The following DLGAP2 variants were observed in gnomAD, a reference collection of about 807,000 sequenced individuals.
The protein encoded by DLGAP2 is disks large-associated protein 2.
DLGAP2 carries 26 observed loss-of-function variants against 100.3 expected under a neutral mutation model. That is an observed-to-expected ratio of 0.26 (90% CI 0.19 to 0.36). DLGAP2 has a LOEUF of 0.36. Ranked by LOEUF, DLGAP2 falls within the 10% of genes least tolerant of loss-of-function variation. DLGAP2 has a pLI of 1.00. For missense variants in DLGAP2, 1,858 were observed against 1,453.2 expected (o/e 1.28, Z -4.53); for synonymous variants, 886 against 630.1 (o/e 1.41, Z -6.08).
chr8:1,316,897 C>A (rs1195895534), intron 3 of DLGAP2, among the ~76,000 whole-genome samples: 1 of 119,950 alleles, frequency 8.3e-6, no homozygotes, highest in African/African-American at 3.5e-5. Flanking sequence ...AAAAATAGAG[C>A]GTGTGCGAGT....
At chr8:1,032,209 T>C (rs527905882) in intron 2 of DLGAP2, among the ~76,000 whole-genome samples, 1 of 152,204 alleles carries the variant, frequency 6.6e-6, no homozygotes, top group South Asian at 2.1e-4. Context: ...CCAGAGCTCA[T>C]AGTAGGAGGG....
At chr8:888,992 A>C (rs1797980684) in intron 1 of DLGAP2, among the ~76,000 whole-genome samples, 1 of 152,050 alleles carries the variant, frequency 6.6e-6, no homozygotes, top group African/African-American at 2.4e-5. Context: ...GAAGGGAGAT[A>C]GGGGTGGGGC....
At chr8:1,252,145 T>G (rs772021279) in intron 2 of DLGAP2, among the ~76,000 whole-genome samples, 11 of 151,040 alleles carry the variant, frequency 7.3e-5, no homozygotes, top group Non-Finnish European at 1.3e-4. Context: ...CACTGTGGTG[T>G]TGTCACACGG....
At chr8:787,980 G>T (rs28404643) in intron 1 of DLGAP2, among the ~76,000 whole-genome samples, 3 of 152,040 alleles carry the variant, frequency 2.0e-5, no homozygotes, top group African/African-American at 4.8e-5. Context: ...AAGCCAGGAT[G>T]CTCTGTGGCT....
At chr8:1,417,055 C>A (rs1366759939) in intron 3 of DLGAP2, among the ~76,000 whole-genome samples, 1 of 70,422 alleles carries the variant, frequency 1.4e-5, no homozygotes, top group Non-Finnish European at 2.7e-5. Flanking sequence ...CACACTGTCC[C>A]CGGCGGGTTC....
intron 2 of DLGAP2, among the ~76,000 whole-genome samples, chr8:1,130,731 C>T (rs773096054): frequency 1.3e-5 from 2 of 152,224 alleles, no homozygotes; most frequent in African/African-American, 4.8e-5. Context: ...AGACAGACCG[C>T]ACCAGAGGCC....
At chr8:828,383 C>A (rs114083356) in intron 1 of DLGAP2, among the ~76,000 whole-genome samples, 1,634 of 152,308 alleles carry the variant, frequency 0.011, 28 homozygotes, top group African/African-American at 0.037. Flanking sequence ...AGGGACCTTC[C>A]ATGCTGAGAA....
Position 759,439 on chromosome 8 carries a change from C to T in DLGAP2, c.18+21614C>T, listed in dbSNP as rs79697863. On this transcript the variant is annotated intron_variant, in intron 1 of 14. Transcript: ENST00000637795. ...CGTTTCCAGGGTTGGGACACGTTCCCGGGGTTGGGACGGGTATGCACAGGT... is the reference window on the plus strand; with the variant it reads ...CGTTTCCAGGGTTGGGACACGTTCCTGGGGTTGGGACGGGTATGCACAGGT... Among the ~76,000 whole-genome samples the T allele has an allele frequency of 4.9e-3, 740 of 151,966 alleles. 11 individuals carry two copies. The highest frequency in any genetic ancestry group is 0.016 in the African/African-American group (673 of 41,432).
chr8:827,344 T>C (rs530834064), intron 1 of DLGAP2, among the ~76,000 whole-genome samples: 17 of 152,350 alleles, frequency 1.1e-4, no homozygotes, highest in African/African-American at 3.6e-4. Flanking sequence ...CTTAGGGCAT[T>C]GAATGGTAGC....
chr8:1,327,699 C>T (rs950403756), intron 3 of DLGAP2, among the ~76,000 whole-genome samples: 2 of 151,998 alleles, frequency 1.3e-5, no homozygotes, highest in Non-Finnish European at 2.9e-5. Context: ...AAAAAACTAT[C>T]CGGGCGTCGT....
chr8:990,320 AC>A (rs111492430), intron 2 of DLGAP2, among the ~76,000 whole-genome samples: 1 of 140,096 alleles, frequency 7.1e-6, no homozygotes, highest in African/African-American at 2.9e-5. Context: ...GACCCCCTGC[AC>A]CCCCATACTC....
chr8:1,084,091 C>T (rs1054910832), intron 2 of DLGAP2, among the ~76,000 whole-genome samples: 5 of 152,050 alleles, frequency 3.3e-5, no homozygotes, highest in African/African-American at 9.7e-5. Context: ...TTTGTATGTA[C>T]TCTTAACTCA....
At chr8:1,525,404 G>A (rs1188688079) in intron 4 of DLGAP2, among the ~76,000 whole-genome samples, 1 of 152,090 alleles carries the variant, frequency 6.6e-6, no homozygotes, top group African/African-American at 2.4e-5. Flanking sequence ...GGAATTACAG[G>A]AGCATTTTCC....
chr8:791,461 A>G (rs111327139), intron 1 of DLGAP2, among the ~76,000 whole-genome samples: 14 of 152,320 alleles, frequency 9.2e-5, no homozygotes, highest in African/African-American at 2.9e-4. Flanking sequence ...ATTTCTTTTC[A>G]CCCTTCAAAT....
At chr8:1,526,229 G>A (rs185464471) in intron 4 of DLGAP2, among the ~76,000 whole-genome samples, 146 of 151,688 alleles carry the variant, frequency 9.6e-4, no homozygotes, top group Admixed American at 2.2e-3. Context: ...CCAGGTGGAC[G>A]TTGCGGTGGC....
At chr8:888,984 A>AG (rs1296413817) in intron 1 of DLGAP2, among the ~76,000 whole-genome samples, 3 of 152,140 alleles carry the variant, frequency 2.0e-5, no homozygotes, top group Non-Finnish European at 2.9e-5. Context: ...GAGTCATTGA[A>AG]GGGAGATAGG....
At chr8:1,699,391 G>A (rs533157727) in intron 14 of DLGAP2, among the ~76,000 whole-genome samples, 91 of 151,862 alleles carry the variant, frequency 6.0e-4, no homozygotes, top group African/African-American at 2.1e-3. Flanking sequence ...GGATCATGAG[G>A]TCAGGAGATC....
intron 2 of DLGAP2, among the ~76,000 whole-genome samples, chr8:1,236,309 C>A (rs1218296586): frequency 1.7e-5 from 1 of 57,856 alleles, no homozygotes; most frequent in Non-Finnish European, 3.6e-5. Flanking sequence ...AGTTCTCTCA[C>A]ATGGCGCCGT....
intron 2 of DLGAP2, among the ~76,000 whole-genome samples, chr8:1,052,115 C>T (rs1442719215): frequency 6.6e-6 from 1 of 152,080 alleles, no homozygotes; most frequent in Non-Finnish European, 1.5e-5. Context: ...GTGTTGCAGC[C>T]CCAGAGTGCC....
Sources: gnomAD v4.1 joint callset for allele counts (sites outside exome capture counted in the v4.1 genomes callset) on GRCh38, gnomAD v4.1.1 for gene constraint, MANE v1.5 for transcripts, NCBI Gene and HGNC (gene_info 2026-07-23, HGNC 2026-07-21) for gene names.